GALK2: variants seen among roughly 807,000 people sequenced by gnomAD.
GALK2 encodes the protein galactokinase 2, also known as N-acetylgalactosamine kinase.
In GALK2, 36 loss-of-function variants were observed where a neutral mutation model predicts 52.4. The observed-to-expected ratio is 0.69, with a 90% confidence interval of 0.53 to 0.91. The LOEUF (loss-of-function observed/expected upper bound fraction) is 0.91. Among genes scored for constraint, GALK2 ranks in the 40% least tolerant of loss-of-function variants. The pLI is 0.00. For synonymous variants in GALK2, 176 were observed against 199.1 expected (o/e 0.88, Z 0.98); for missense variants, 579 against 559.1 (o/e 1.04, Z -0.36).
intron 8 of GALK2, chr15:49,318,058 TA>T (rs11322728): frequency 0.42 from 63,693 of 150,322 alleles, 15,690 homozygotes; most frequent in Non-Finnish European, 0.55. Context: ...AAAGTAAAAT[TA>T]AAAAAAAAAA....
At chr15:49,332,955 C>T (rs533605771), downstream of GALK2, among the ~76,000 whole-genome samples, 94 of 151,990 alleles carry the variant, frequency 6.2e-4, no homozygotes, top group African/African-American at 2.2e-3. Flanking sequence ...GAGTTTCCTC[C>T]TTGCTGATTG....
chr15:49,235,622 C>T (rs1284603807), intron 3 of GALK2: 8 of 667,464 alleles, frequency 1.2e-5, no homozygotes, highest in Admixed American at 2.0e-5. Context: ...CTCTGTGTTT[C>T]AGGAAATAAA....
intron 3 of GALK2, chr15:49,365,473 G>C: frequency 1.2e-6 from 1 of 864,706 alleles, no homozygotes; most frequent in Non-Finnish European, 2.0e-6. Context: ...TATTGAAACA[G>C]GCATGATGCA....
chr15:49,281,383 T>C (rs949160755), intron 5 of GALK2, among the ~76,000 whole-genome samples: 4 of 152,232 alleles, frequency 2.6e-5, no homozygotes, highest in African/African-American at 4.8e-5. Context: ...CGTTTAGATT[T>C]ATTTCTTAAT....
intron 2 of GALK2, among the ~76,000 whole-genome samples, chr15:49,207,587 T>A (rs536518266): frequency 6.6e-6 from 1 of 152,264 alleles, no homozygotes; most frequent in Non-Finnish European, 1.5e-5. Flanking sequence ...AGGAGGGTTG[T>A]ATTTTTCCAG....
intron 1 of GALK2, among the ~76,000 whole-genome samples, chr15:49,184,474 T>G (rs1367353883): frequency 6.6e-6 from 1 of 152,232 alleles, no homozygotes; most frequent in Non-Finnish European, 1.5e-5. Flanking sequence ...CCATTTACGT[T>G]CAATGTTATT....
upstream of GALK2, among the ~76,000 whole-genome samples, chr15:49,169,851 G>C (rs531875973): frequency 2.0e-5 from 3 of 152,322 alleles, no homozygotes; most frequent in South Asian, 6.2e-4. Context: ...TTTTAGTGTT[G>C]TTTGGGGAGT....
intron 3 of GALK2, among the ~76,000 whole-genome samples, chr15:49,340,180 T>C (rs1003524202): frequency 2.0e-5 from 3 of 152,152 alleles, no homozygotes; most frequent in Non-Finnish European, 4.4e-5. Context: ...AAAACTCCTG[T>C]GGCTAGCTTG....
intron 2 of GALK2, among the ~76,000 whole-genome samples, chr15:49,205,636 T>G (rs2088215371): frequency 6.6e-6 from 1 of 152,224 alleles, no homozygotes; most frequent in Non-Finnish European, 1.5e-5. Context: ...CATTAGTCCT[T>G]TGTCAGATGT....
chr15:49,313,195 C>T (rs900317634), intron 8 of GALK2, among the ~76,000 whole-genome samples: 8 of 152,182 alleles, frequency 5.3e-5, no homozygotes, highest in Non-Finnish European at 8.8e-5. Context: ...GTCAGACCTT[C>T]CAGTTTTCCA....
intron 2 of GALK2, among the ~76,000 whole-genome samples, chr15:49,210,963 A>ACACCCACACT (rs2088821638): frequency 8.8e-6 from 1 of 113,388 alleles, no homozygotes; most frequent in African/African-American, 3.1e-5. Flanking sequence ...GCTGTCACAC[A>ACACCCACACT]CACACACACT....
chr15:49,335,653 C>T (rs1194007086), downstream of GALK2, among the ~76,000 whole-genome samples: 1 of 152,186 alleles, frequency 6.6e-6, no homozygotes, highest in Non-Finnish European at 1.5e-5. Context: ...GAGTTACACT[C>T]AGAGGACTGA....
At chr15:49,360,935 G>A (rs567145229) in intron 3 of GALK2, among the ~76,000 whole-genome samples, 7 of 152,072 alleles carry the variant, frequency 4.6e-5, no homozygotes, top group Non-Finnish European at 8.8e-5. Context: ...GTGTTTACAT[G>A]TGAATCCTTA....
chr15:49,192,344 T>C (rs1476626888), intron 1 of GALK2, among the ~76,000 whole-genome samples: 1 of 151,760 alleles, frequency 6.6e-6, no homozygotes, highest in Non-Finnish European at 1.5e-5. Context: ...CTAGAAATGA[T>C]ATTCTTTTAA....
At chr15:49,229,459 C>T (rs1048633368) in intron 3 of GALK2, among the ~76,000 whole-genome samples, 7 of 152,098 alleles carry the variant, frequency 4.6e-5, no homozygotes, top group African/African-American at 1.4e-4. Flanking sequence ...TGAGTTGGTC[C>T]CCTGTGCCAC....
chr15:49,340,138 C>T (rs533921961), intron 3 of GALK2, among the ~76,000 whole-genome samples: 1 of 152,284 alleles, frequency 6.6e-6, no homozygotes, highest in Admixed American at 6.5e-5. Context: ...TTCTGTCTCA[C>T]TGGTGTTCCA....
intron 2 of GALK2, among the ~76,000 whole-genome samples, chr15:49,202,249 C>A (rs1321422436): frequency 6.6e-6 from 1 of 152,162 alleles, no homozygotes; most frequent in African/African-American, 2.4e-5. Context: ...AGGTGATCCA[C>A]CTGCCTTGGC....
At chr15:49,214,465 G>C (rs2089213644) in intron 2 of GALK2, among the ~76,000 whole-genome samples, 1 of 150,142 alleles carries the variant, frequency 6.7e-6, no homozygotes, top group Non-Finnish European at 1.5e-5. Flanking sequence ...CAAGTAGCTG[G>C]GACTACAGGC....
intron 1 of GALK2, chr15:49,199,221 T>C (rs2087516838): frequency 6.6e-6 from 1 of 152,204 alleles, no homozygotes; most frequent in Non-Finnish European, 1.5e-5. Context: ...TGTTTCACTA[T>C]GTTTTGTAGT....
Sources: gnomAD v4.1 joint callset for allele counts (sites outside exome capture counted in the v4.1 genomes callset) on GRCh38, gnomAD v4.1.1 for gene constraint, MANE v1.5 for transcripts, NCBI Gene and HGNC (gene_info 2026-07-23, HGNC 2026-07-21) for gene names.